PPP1R14C: variants seen among roughly 807,000 people sequenced by gnomAD.
The protein encoded by PPP1R14C is protein phosphatase 1 regulatory inhibitor subunit 14C, also known as protein phosphatase 1 regulatory subunit 14C.
In PPP1R14C, 16 loss-of-function variants were observed where a neutral mutation model predicts 20.4. The observed-to-expected ratio is 0.78, with a 90% CI of 0.53 to 1.19. The LOEUF is 1.19. Among genes scored for constraint, PPP1R14C ranks in the 50% most tolerant of loss-of-function variants. PPP1R14C has a pLI of 0.00. For synonymous variants in PPP1R14C, 91 were observed against 91.0 expected (o/e 1.00, Z 0.00); for missense variants, 211 against 220.1 (o/e 0.96, Z 0.26).
At chr6:150,233,249 C>T (rs9384262) in intron 3 of PPP1R14C, among the ~76,000 whole-genome samples, 4,495 of 152,134 alleles carry the variant, frequency 0.03, 116 homozygotes, top group East Asian at 0.15. Context: ...TGAGGAGGGG[C>T]GGTTAGAGAC....
chr6:150,180,862 A>G (rs1035686680), intron 1 of PPP1R14C, among the ~76,000 whole-genome samples: 2 of 152,200 alleles, frequency 1.3e-5, no homozygotes, highest in South Asian at 4.1e-4. Flanking sequence ...CAGGTCTGAC[A>G]GGGGCTCTAG....
chr6:150,174,627 G>A (rs1269142071), intron 1 of PPP1R14C, among the ~76,000 whole-genome samples: 2 of 151,828 alleles, frequency 1.3e-5, no homozygotes, highest in Admixed American at 6.6e-5. Flanking sequence ...AGTGTTCAAC[G>A]GTGTGTTTTA....
chr6:150,155,873 A>C (rs1777299729), intron 1 of PPP1R14C, among the ~76,000 whole-genome samples: 1 of 151,690 alleles, frequency 6.6e-6, no homozygotes, highest in South Asian at 2.1e-4. Flanking sequence ...TAAAATACAA[A>C]AATTAGCCAG....
At chr6:150,237,690 A>G (rs1020979976) in intron 3 of PPP1R14C, among the ~76,000 whole-genome samples, 9 of 152,164 alleles carry the variant, frequency 5.9e-5, no homozygotes, top group Admixed American at 1.3e-4. Context: ...CCTTGAGGTG[A>G]GGTCTTATTG....
chr6:150,203,874 G>A (rs904113489), intron 1 of PPP1R14C, among the ~76,000 whole-genome samples: 3 of 152,232 alleles, frequency 2.0e-5, no homozygotes, highest in East Asian at 1.9e-4. Flanking sequence ...CAAGCAAGAC[G>A]TAGACAGGTG....
intron 1 of PPP1R14C, among the ~76,000 whole-genome samples, chr6:150,151,022 GT>G (rs201578835): frequency 1.3e-5 from 2 of 151,320 alleles, no homozygotes; most frequent in African/African-American, 2.4e-5. Flanking sequence ...CTGGCTCTCT[GT>G]TTTTTTTGTT....
At chr6:150,225,322 A>C (rs1582927442) in intron 3 of PPP1R14C, among the ~76,000 whole-genome samples, 2 of 152,196 alleles carry the variant, frequency 1.3e-5, no homozygotes. Context: ...GTATGCTCCT[A>C]CCTCTGCCCG....
intron 3 of PPP1R14C, among the ~76,000 whole-genome samples, chr6:150,240,592 CT>C (rs1172581196): frequency 1.3e-5 from 2 of 152,222 alleles, no homozygotes; most frequent in African/African-American, 4.8e-5. Context: ...AGTTACACCC[CT>C]GTGCAGATGA....
intron 3 of PPP1R14C, among the ~76,000 whole-genome samples, chr6:150,236,828 C>T (rs1778367127): frequency 6.6e-6 from 1 of 152,138 alleles, no homozygotes; most frequent in Non-Finnish European, 1.5e-5. Flanking sequence ...GTTGCTCAGG[C>T]TGTGGGGAGG....
Position 150,147,155 on chromosome 6 carries a change from A to T in PPP1R14C, c.306+3657A>T, listed in dbSNP as rs1348015236. ...TTTTTTTTTTTTTAATCTCTTCCAA[A>T]CCCTGGTGGGTTTTTTTTGTTTTGT... is the stretch of plus-strand genomic sequence containing the variant. On this transcript the variant is annotated intron_variant, in intron 1 of 3. Coordinates refer to ENST00000361131, the MANE Select transcript of PPP1R14C (RefSeq NM_030949.3). Among the ~76,000 whole-genome samples the T allele has an allele frequency of 2.5e-4, 35 of 142,374 alleles. No individual in the cohort carries two copies. In the South Asian group the frequency reaches 6.0e-3, roughly 24 times the overall value. 93.4% of individuals were successfully genotyped at this position (142,374 alleles called of 152,430 possible). A position where few individuals can be genotyped will look rare whatever the true frequency, so the allele number is the denominator to read the frequency against.
chr6:150,178,808 A>G (rs1216461657), intron 1 of PPP1R14C, among the ~76,000 whole-genome samples: 1 of 152,174 alleles, frequency 6.6e-6, no homozygotes, highest in African/African-American at 2.4e-5. Flanking sequence ...GGAAACATCT[A>G]GGTGTAGATT....
intron 1 of PPP1R14C, among the ~76,000 whole-genome samples, chr6:150,152,227 T>C (rs1426933153): frequency 6.6e-6 from 1 of 151,286 alleles, no homozygotes; most frequent in Admixed American, 6.6e-5. Context: ...GTGAAGAAAC[T>C]GAAGTACAGG....
chr6:150,203,871 G>T (rs1777909361), intron 1 of PPP1R14C, among the ~76,000 whole-genome samples: 1 of 152,248 alleles, frequency 6.6e-6, no homozygotes, highest in Non-Finnish European at 1.5e-5. Flanking sequence ...TGGCAAGCAA[G>T]ACGTAGACAG....
chr6:150,214,622 G>T, intron 1 of PPP1R14C, 122 bp from the exon 2 acceptor site: 2 of 651,060 alleles, frequency 3.1e-6, no homozygotes, highest in Admixed American at 2.8e-5. Flanking sequence ...CCTTCCCCCT[G>T]CTTATCTGTC....
chr6:150,230,238 C>T (rs551049345), intron 3 of PPP1R14C, among the ~76,000 whole-genome samples: 20 of 152,332 alleles, frequency 1.3e-4, no homozygotes, highest in East Asian at 9.6e-4. Context: ...TCCCACCACC[C>T]GCTTCACACT....
At chr6:150,171,243 T>C (rs554077195) in intron 1 of PPP1R14C, among the ~76,000 whole-genome samples, 162 of 152,350 alleles carry the variant, frequency 1.1e-3, no homozygotes, top group Middle Eastern at 6.8e-3. Context: ...TCTCTCGTTA[T>C]TGTGTTTGAC....
intron 1 of PPP1R14C, among the ~76,000 whole-genome samples, chr6:150,148,018 A>G (rs1777199041): frequency 6.6e-6 from 1 of 152,214 alleles, no homozygotes; most frequent in African/African-American, 2.4e-5. Flanking sequence ...TTATAAAAGT[A>G]ATCTGAAACA....
intron 1 of PPP1R14C, chr6:150,195,264 T>C (rs1777788839): frequency 1.5e-6 from 1 of 671,104 alleles, no homozygotes; most frequent in South Asian, 6.9e-5. Context: ...ATGTTATACA[T>C]GGGGGCTAAA....
At chr6:150,178,809 G>T (rs1231951259) in intron 1 of PPP1R14C, among the ~76,000 whole-genome samples, 1 of 152,100 alleles carries the variant, frequency 6.6e-6, no homozygotes, top group Non-Finnish European at 1.5e-5. Flanking sequence ...GAAACATCTA[G>T]GTGTAGATTT....
Sources: allele counts gnomAD v4.1 joint callset (sites outside exome capture counted in the v4.1 genomes callset), GRCh38; gene constraint gnomAD v4.1.1; transcripts MANE v1.5; gene names NCBI Gene and HGNC (gene_info 2026-07-23, HGNC 2026-07-21).